The following RNASEH2B variants were observed in gnomAD, a reference collection of about 807,000 sequenced individuals.
The protein encoded by RNASEH2B is ribonuclease H2 subunit B, also known as Aicardi-Goutieres syndrome 2 protein.
A neutral mutation model predicts 45.0 loss-of-function variants in RNASEH2B; 36 were observed. That is an observed-to-expected ratio of 0.80 (90% confidence interval 0.61 to 1.06). The LOEUF is 1.06. Ranked by LOEUF, RNASEH2B falls within the 50% of genes least tolerant of loss-of-function variation. RNASEH2B has a pLI of 0.00. For synonymous variants in RNASEH2B, 119 were observed against 125.7 expected, an observed-to-expected ratio of 0.95 and a Z score of 0.35; for missense variants, 361 against 360.3, an observed-to-expected ratio of 1.00 and a Z score of -0.02.
rs1015708068 is a variant in RNASEH2B at position 50,945,530 on chromosome 13, A to G, written c.614A>G (p.Glu205Gly). Residue 205 changes from glutamate (E) to glycine (G), a missense_variant and splice_region_variant, in exon 7 of 11, where the codon GAA becomes GGA. Physicochemically the swap from Glu to Gly is moderately conservative, Grantham distance 98. Coordinates refer to ENST00000336617, the MANE Select transcript of RNASEH2B (RefSeq NM_024570.4). ...GGTGACCAAGCTTCCACTGACAAGG[A>G]AGGTAAGTAAAGCATTTTATCAGAA... is the stretch of plus-strand genomic sequence containing the variant. ...FSGDQASTDK[E>G]EDYIRYAHGL... The G allele has an allele frequency of 3.2e-5, 52 of 1,601,170 alleles. No homozygotes were observed. The highest frequency in any genetic ancestry group is 4.1e-5 in the Non-Finnish European group (48 of 1,168,510).
chr13:50,941,383 C>A (rs1951831626), intron 5 of RNASEH2B: 1 of 152,192 alleles, frequency 6.6e-6, no homozygotes, highest in Non-Finnish European at 1.5e-5. Context: ...CTCTCTGCCC[C>A]TTCTTAGAGA....
chr13:50,948,096 T>A, intron 8 of RNASEH2B, 28 bp downstream of exon 8: 4 of 1,608,500 alleles, frequency 2.5e-6, no homozygotes, highest in Non-Finnish European at 3.4e-6. Flanking sequence ...TCAGTCATAA[T>A]GAAGTACCAT....
chr13:50,928,141 A>G (rs898723465), intron 2 of RNASEH2B, among the ~76,000 whole-genome samples: 4 of 152,330 alleles, frequency 2.6e-5, no homozygotes, highest in African/African-American at 9.6e-5. Context: ...ATATTGAGTA[A>G]TATGGGTGAT....
At chr13:50,909,678 C>G (rs553965425), upstream of RNASEH2B, 233 of 168,796 alleles carry the variant, frequency 1.4e-3, 3 homozygotes, top group African/African-American at 5.2e-3. Context: ...CAATCCTAGC[C>G]CGCTGGCTAG....
chr13:50,934,990 GAGGAAAA>G lies in RNASEH2B; in HGVS notation c.431_436+1del. 1 of 1,607,698 alleles carries G rather than the reference GAGGAAAA, an allele frequency of 6.2e-7. No homozygotes were observed. Among genetic ancestry groups the G allele is most frequent in the Non-Finnish European group, 8.5e-7 (1 of 1,174,224 alleles). The stretch of plus-strand genomic sequence containing the variant: ...TGAGAAGTTACTTCATCATGTGACA[GAGGAAAA>G]AGGTATGGTATAACTTAAAGGCTTA... On this transcript the variant is annotated frameshift_variant and splice_region_variant, in exon 5 of 11. Transcript: ENST00000336617. LOFTEE classifies it high-confidence loss of function.
At chr13:50,912,882 G>T (rs1879505281) in intron 1 of RNASEH2B, 1 of 152,222 alleles carries the variant, frequency 6.6e-6, no homozygotes, top group Admixed American at 6.5e-5. Flanking sequence ...ACCTTGCAAT[G>T]ATACTTTTTT....
chr13:50,953,633 C>A, intron 9 of RNASEH2B: 1 of 497,628 alleles, frequency 2.0e-6, no homozygotes, highest in Non-Finnish European at 3.6e-6. Flanking sequence ...CCTACAAAGC[C>A]TGTGTTTGCT....
rs772788079 is a variant in RNASEH2B, at chr13:50,934,883, A to T, written c.322-2A>T. ...TTGCTTTCCAACTAACTGTTTTTTC[A>T]GGGGAAGTTTCAGCCCCTTGATCAA... On this transcript the variant is annotated splice_acceptor_variant, in intron 4 of 10. Transcript: ENST00000336617. LOFTEE classifies it high-confidence loss of function. 4.4e-6 allele frequency: 7 copies of T among 1,598,976 alleles called. No individual in the cohort carries two copies. The highest frequency in any genetic ancestry group is 6.0e-6 in the Non-Finnish European group (7 of 1,167,226).
At chr13:50,926,746 T>TTTA (rs1951602698) in intron 1 of RNASEH2B, among the ~76,000 whole-genome samples, 1 of 152,046 alleles carries the variant, frequency 6.6e-6, no homozygotes, top group African/African-American at 2.4e-5. Flanking sequence ...ACATGAAGAT[T>TTTA]TTATGTCTTT....
chr13:50,941,722 A>ATTGGCT (rs1452040116), intron 5 of RNASEH2B: 3 of 152,224 alleles, frequency 2.0e-5, no homozygotes, highest in Non-Finnish European at 4.4e-5. Flanking sequence ...GTCCGGTCTC[A>ATTGGCT]TTGGCTTTGG....
chr13:50,924,875 A>G (rs1951571968), intron 1 of RNASEH2B, among the ~76,000 whole-genome samples: 1 of 152,156 alleles, frequency 6.6e-6, no homozygotes, highest in Non-Finnish European at 1.5e-5. Context: ...CTGATTTCAA[A>G]GTATTATTGT....
intron 10 of RNASEH2B, chr13:50,956,086 T>G (rs1952043109): frequency 3.5e-5 from 13 of 374,508 alleles, no homozygotes; most frequent in South Asian, 3.0e-4. Flanking sequence ...CCTCCAGAAT[T>G]ATCTACCCCC....
intron 1 of RNASEH2B, 111 bp downstream of exon 1, chr13:50,910,251 G>A (rs1161508736): frequency 1.0e-5 from 7 of 689,100 alleles, no homozygotes; most frequent in Non-Finnish European, 1.5e-5. Context: ...GGCCCGGCGC[G>A]GGATGGGATT....
chr13:50,959,884 T>C, downstream of RNASEH2B: 2 of 263,338 alleles, frequency 7.6e-6, no homozygotes, highest in Admixed American at 5.3e-5. Flanking sequence ...TGTAGGATTA[T>C]TTTGTCAAGT....
At chr13:50,945,567 C>A in intron 7 of RNASEH2B, 35 bp downstream of exon 7, 4 of 1,452,702 alleles carry the variant, frequency 2.8e-6, no homozygotes, top group South Asian at 2.3e-5. Flanking sequence ...AGATTTTTGT[C>A]TGGAGTAAGT....
At chr13:50,949,705 A>G (rs924104958) in intron 9 of RNASEH2B, among the ~76,000 whole-genome samples, 200 bp downstream of exon 9, 1 of 152,212 alleles carries the variant, frequency 6.6e-6, no homozygotes, top group African/African-American at 2.4e-5. Flanking sequence ...TGGTAAATAA[A>G]GTGCCATGAA....
At chr13:50,949,273 A>G (rs1336792639) in intron 8 of RNASEH2B, 190 bp from the exon 9 acceptor site, 2 of 591,740 alleles carry the variant, frequency 3.4e-6, no homozygotes, top group Non-Finnish European at 6.0e-6. Context: ...AAGGACTTAC[A>G]TATCAAAATA....
chr13:50,930,853 A>C lies in RNASEH2B; in HGVS notation c.321+94A>C, dbSNP rs555661026. 18 of 955,364 alleles carry C rather than the reference A, an allele frequency of 1.9e-5. No homozygotes were observed. The East Asian group carries it at 4.3e-4, about 23-fold the overall frequency. 59.2% of individuals were successfully genotyped at this position (955,364 alleles called of 1,614,324 possible). ...TCTCCTTTTAATGATCCAAAGGTGG[A>C]TTCTACCTTCAGATCTATTATAGTG... On this transcript the variant is annotated intron_variant, in intron 4 of 10. Transcript: ENST00000336617.
At chr13:50,965,416 A>G (rs1952155632) in intron 9 of RNASEH2B, among the ~76,000 whole-genome samples, 1 of 152,226 alleles carries the variant, frequency 6.6e-6, no homozygotes, top group Non-Finnish European at 1.5e-5. Flanking sequence ...ATATCCCATC[A>G]TTAAGCAACA....
Sources: gnomAD v4.1 joint callset for allele counts (sites outside exome capture counted in the v4.1 genomes callset) on GRCh38, gnomAD v4.1.1 for gene constraint, MANE v1.5 for transcripts, NCBI Gene and HGNC (gene_info 2026-07-23, HGNC 2026-07-21) for gene names.